Variants in SENP1 observed in about 807,000 individuals in gnomAD.
SENP1 encodes the protein SUMO specific peptidase 1, also known as sentrin-specific protease 1.
SENP1 carries 21 observed loss-of-function variants against 93.0 expected under a neutral mutation model. That is an observed-to-expected ratio of 0.23 (90% CI 0.16 to 0.33). SENP1 has a LOEUF of 0.33. Ranked by LOEUF, SENP1 falls within the 10% of genes least tolerant of loss-of-function variation. SENP1 has a pLI of 1.00. For missense variants in SENP1, 591 were observed against 758.7 expected, an observed-to-expected ratio of 0.78 and a Z score of 2.60; for synonymous variants, 256 against 259.6, an observed-to-expected ratio of 0.99 and a Z score of 0.13.
chr12:48,101,787 C>T lies in SENP1; in HGVS notation c.-44-271G>A, dbSNP rs77651400. 5.5e-3 allele frequency among the ~76,000 whole-genome samples: 842 copies of T among 152,278 alleles called. 11 individuals carry two copies. Among genetic ancestry groups the T allele is most frequent in the African/African-American group, 0.019 (802 of 41,542 alleles). On this transcript the variant is annotated intron_variant, in intron 1 of 17. Transcript: ENST00000549518. ...ATTAAAGCAAGAAGCAAATTGGGAG[C>T]GCCAACCCTTAAGAGACTGAGTGGT...
chr12:48,047,078 G>C lies in SENP1; in HGVS notation c.1692-16C>G, dbSNP rs746515812. 1.9e-6 allele frequency: 3 copies of C among 1,552,208 alleles called. No individual in the cohort carries two copies. In the Admixed American group the frequency reaches 5.0e-5, roughly 26 times the overall value. On this transcript the variant is annotated splice_polypyrimidine_tract_variant and intron_variant, in intron 15 of 17. Coordinates refer to ENST00000549518, the MANE Select transcript of SENP1 (RefSeq NM_001267594.2). ...TAGGTATTGCCTAAAGGTATCAGGAGAGAATGAGATAAGCAGTGGGGAACA... is the reference window on the plus strand; with the variant it reads ...TAGGTATTGCCTAAAGGTATCAGGACAGAATGAGATAAGCAGTGGGGAACA...
chr12:48,078,334 T>TATATATATATATACAC, intron 6 of SENP1, among the ~76,000 whole-genome samples: 2 of 67,896 alleles, frequency 2.9e-5, no homozygotes, highest in African/African-American at 9.7e-5. Context: ...TATATATATA[T>TATATATATATATACAC]ACACACACAT....
intron 13 of SENP1, among the ~76,000 whole-genome samples, chr12:48,055,924 A>G (rs868084677): frequency 5.3e-4 from 73 of 138,484 alleles, no homozygotes; most frequent in Middle Eastern, 8.1e-3. Context: ...TATATTATAC[A>G]TTACTATATA....
intron 13 of SENP1, among the ~76,000 whole-genome samples, chr12:48,049,938 T>C (rs1254297793): frequency 6.6e-6 from 1 of 152,230 alleles, no homozygotes; most frequent in African/African-American, 2.4e-5. Context: ...GCCTTCAATA[T>C]TAAGTGTGGA....
chr12:48,088,659 TG>T (rs1179588762), intron 5 of SENP1, 141 bp downstream of exon 5: 2 of 734,474 alleles, frequency 2.7e-6, no homozygotes, highest in Non-Finnish European at 4.5e-6. Flanking sequence ...AAATGTAAAA[TG>T]GATTTGTTCA....
At chr12:48,058,329 A>G (rs927338905) in intron 13 of SENP1, among the ~76,000 whole-genome samples, 6 of 152,216 alleles carry the variant, frequency 3.9e-5, no homozygotes, top group Non-Finnish European at 7.3e-5. Context: ...GTTGACGTAG[A>G]TAATTTACAT....
chr12:48,051,854 A>C (rs1485735128), intron 13 of SENP1, among the ~76,000 whole-genome samples: 1 of 152,224 alleles, frequency 6.6e-6, no homozygotes, highest in Non-Finnish European at 1.5e-5. Flanking sequence ...AGCTAAAAGT[A>C]GATGAGTCCT....
chr12:48,073,420 TA>T (rs1269715255), intron 8 of SENP1, among the ~76,000 whole-genome samples: 14 of 147,430 alleles, frequency 9.5e-5, no homozygotes, highest in African/African-American at 9.9e-5. Context: ...ACAAATAGAT[TA>T]AAAAAAAAAC....
chr12:48,092,069 G>C (rs1945258831), intron 4 of SENP1, among the ~76,000 whole-genome samples: 1 of 152,172 alleles, frequency 6.6e-6, no homozygotes, highest in Non-Finnish European at 1.5e-5. Flanking sequence ...TTGAGAGGCA[G>C]ATTTTTAAAA....
chr12:48,095,989 C>T (rs986547754), intron 4 of SENP1, among the ~76,000 whole-genome samples: 5 of 152,170 alleles, frequency 3.3e-5, no homozygotes, highest in Non-Finnish European at 7.4e-5. Flanking sequence ...CAGAAATAAA[C>T]TTGCTCTGTG....
At position 48,057,714 on chromosome 12, in the gene SENP1, G is replaced by C. The variant is rs181330048; in HGVS notation, c.1407+5996C>G. On this transcript the variant is annotated intron_variant, in intron 13 of 17. Transcript: ENST00000549518. Reference sequence around the variant, plus strand: ...CAACCTCTGCTTCCTGGATTCAAGTGAATCTCCTGCCTCAGCCTCCCAATT... The same window carrying C: ...CAACCTCTGCTTCCTGGATTCAAGTCAATCTCCTGCCTCAGCCTCCCAATT... Among the ~76,000 whole-genome samples, 236 of 150,482 alleles carry C rather than the reference G, an allele frequency of 1.6e-3. 3 individuals carry two copies. Among genetic ancestry groups the C allele is most frequent in the African/African-American group, 5.4e-3 (223 of 41,204 alleles).
intron 4 of SENP1, among the ~76,000 whole-genome samples, chr12:48,091,214 C>T (rs1303644877): frequency 2.0e-5 from 3 of 152,046 alleles, no homozygotes; most frequent in Non-Finnish European, 4.4e-5. Context: ...CTTTGGGAGG[C>T]GGAGGCAGGT....
At chr12:48,102,354 C>T (rs540072340) in intron 1 of SENP1, among the ~76,000 whole-genome samples, 1 of 144,836 alleles carries the variant, frequency 6.9e-6, no homozygotes, top group Admixed American at 7.1e-5. Context: ...ATTGCTTGAA[C>T]CCAGGAAGCA....
chr12:48,086,242 T>C (rs1159995996), intron 5 of SENP1, among the ~76,000 whole-genome samples: 8 of 152,126 alleles, frequency 5.3e-5, no homozygotes, highest in Non-Finnish European at 7.4e-5. Flanking sequence ...ATCAGGCCTT[T>C]CCCATAGGAA....
intron 13 of SENP1, among the ~76,000 whole-genome samples, chr12:48,051,036 C>T (rs1941763366): frequency 6.6e-6 from 1 of 151,734 alleles, no homozygotes; most frequent in South Asian, 2.1e-4. Context: ...ATACATCTCC[C>T]CTAGGTGCCT....
At chr12:48,076,750 C>A (rs12311774) in intron 6 of SENP1, among the ~76,000 whole-genome samples, 25,265 of 151,816 alleles carry the variant, frequency 0.17, 2,417 homozygotes, top group East Asian at 0.28. Context: ...TCAAGCAATT[C>A]TCCTGCTTCA....
intron 15 of SENP1, 54 bp from the exon 16 acceptor site, chr12:48,047,116 G>T (rs1941430168): frequency 9.1e-7 from 1 of 1,103,940 alleles, no homozygotes; most frequent in African/African-American, 1.6e-5. Context: ...GATGACAGCT[G>T]CCACACTAAG....
chr12:48,072,711 C>T (rs1393530727), intron 8 of SENP1, among the ~76,000 whole-genome samples: 1 of 152,116 alleles, frequency 6.6e-6, no homozygotes, highest in African/African-American at 2.4e-5. Flanking sequence ...AAAGTAACAT[C>T]TTCATTACAG....
chr12:48,073,132 T>C (rs975965726), intron 8 of SENP1, among the ~76,000 whole-genome samples: 1 of 152,202 alleles, frequency 6.6e-6, no homozygotes, highest in Non-Finnish European at 1.5e-5. Context: ...TCTTCTAAAG[T>C]GCTGTCATTA....
Sources: allele counts gnomAD v4.1 joint callset (sites outside exome capture counted in the v4.1 genomes callset), GRCh38; gene constraint gnomAD v4.1.1; transcripts MANE v1.5; gene names NCBI Gene and HGNC (gene_info 2026-07-23, HGNC 2026-07-21).